Variants in RSRP1 observed in about 807,000 individuals in gnomAD.
RSRP1 encodes arginine/serine-rich protein 1.
A neutral mutation model predicts 33.0 loss-of-function variants in RSRP1; 37 were observed. That is an observed-to-expected ratio of 1.12 (90% CI 0.86 to 1.48). The LOEUF (loss-of-function observed/expected upper bound fraction) is 1.48. RSRP1 is among the 40% of genes most tolerant of loss of function. The pLI is 0.00. For missense variants in RSRP1, 402 were observed against 385.3 expected, an observed-to-expected ratio of 1.04 and a Z score of -0.36; for synonymous variants, 167 against 158.7, an observed-to-expected ratio of 1.05 and a Z score of -0.40.
chr1:25,269,688 C>A (rs1459025675), intron 1 of RSRP1, among the ~76,000 whole-genome samples: 1 of 132,794 alleles, frequency 7.5e-6, no homozygotes, highest in East Asian at 1.9e-4. Context: ...GAAAATGGGG[C>A]CTTTTATAAG....
chr1:25,307,879 T>C lies in RSRP1; in HGVS notation c.-67+30099A>G, dbSNP rs1643935405. ...TGTGTGAAGCAAGGCGCCTCTGTGATGGGTTCCAGTGATGTGTCTGCCACT... is the reference window on the plus strand; with the variant it reads ...TGTGTGAAGCAAGGCGCCTCTGTGACGGGTTCCAGTGATGTGTCTGCCACT... On this transcript the variant is annotated intron_variant, in intron 1 of 1. Transcript: ENST00000561867. 6.5e-6 allele frequency: 8 copies of C among 1,236,596 alleles called. 1 individual carries two copies. The East Asian group carries it at 2.0e-4, about 31-fold the overall frequency. The allele number at this position is 1,236,596 out of a possible 1,614,324, so 76.6% of individuals were successfully genotyped here.
At chr1:25,307,793 A>C (rs1643931110) in intron 1 of RSRP1, 1 of 1,300,850 alleles carries the variant, frequency 7.7e-7, no homozygotes, top group East Asian at 2.5e-5. Flanking sequence ...ATAGCCCCAA[A>C]TTATAGGGAT....
At chr1:25,299,455 C>T (rs2124669477) in intron 1 of RSRP1, among the ~76,000 whole-genome samples, 1 of 131,026 alleles carries the variant, frequency 7.6e-6, no homozygotes, top group South Asian at 2.3e-4. Context: ...CTTAGACACC[C>T]TCTACAGACA....
chr1:25,247,150 CAGGA>C, intron 1 of RSRP1, 121 bp from the exon 2 acceptor site: 1 of 621,262 alleles, frequency 1.6e-6, no homozygotes, highest in African/African-American at 1.9e-5. Context: ...ACCGCCGCGA[CAGGA>C]ACCGAGCCCT....
At position 25,290,129 on chromosome 1, in the gene RSRP1, G is replaced by T. The variant is rs1404239113; in HGVS notation, c.-66-43100C>A. 3.9e-5 allele frequency among the ~76,000 whole-genome samples: 5 copies of T among 128,652 alleles called. 1 individual carries two copies. The highest frequency in any genetic ancestry group is 3.7e-3 in the Middle Eastern group (1 of 270). The allele number at this position is 128,652 out of a possible 152,430, so 84.4% of individuals were successfully genotyped here. Reference sequence around the variant, plus strand: ...AAGGCTGGGACTGGAAGCCGGGCTTGTCCTGATTCCAAATCCAGTTTCTTT... The same window carrying T: ...AAGGCTGGGACTGGAAGCCGGGCTTTTCCTGATTCCAAATCCAGTTTCTTT... On this transcript the variant is annotated intron_variant, in intron 1 of 1. Transcript: ENST00000561867.
chr1:25,262,183 T>C (rs1019533396), intron 1 of RSRP1, among the ~76,000 whole-genome samples: 19 of 152,182 alleles, frequency 1.2e-4, no homozygotes, highest in Non-Finnish European at 2.4e-4. Flanking sequence ...ACTAAACCAT[T>C]AGAAATTTAA....
At chr1:25,247,831 G>C, upstream of RSRP1, 1 of 152,578 alleles carries the variant, frequency 6.6e-6, no homozygotes, top group East Asian at 1.9e-4. Flanking sequence ...AGGGCCGGGA[G>C]AGGAGCGGCT....
chr1:25,257,915 G>A (rs944917980), intron 1 of RSRP1, among the ~76,000 whole-genome samples: 2 of 152,070 alleles, frequency 1.3e-5, no homozygotes, highest in African/African-American at 4.8e-5. Context: ...CTGGCCCACA[G>A]AAATAGATTT....
At position 25,289,290 on chromosome 1, in the gene RSRP1, G is replaced by C. The variant is rs555422645; in HGVS notation, c.-66-42261C>G. ...GCCCACTGAAACCTCTGCCTCCCGG[G>C]TTCAAGCGACTGCCATGCCTCAGCC... On this transcript the variant is annotated intron_variant, in intron 1 of 1. Transcript: ENST00000561867. Among the ~76,000 whole-genome samples the C allele has an allele frequency of 4.6e-5, 6 of 131,324 alleles. No individual in the cohort carries two copies. The South Asian group carries it at 1.4e-3, about 31-fold the overall frequency. 86.2% of individuals were successfully genotyped at this position (131,324 alleles called of 152,430 possible).
chr1:25,329,260 T>G, intron 1 of RSRP1: 1 of 618,986 alleles, frequency 1.6e-6, no homozygotes, highest in Non-Finnish European at 2.6e-6. Context: ...TTTTTTTTTT[T>G]TTGAGATGTA....
Position 25,328,782 on chromosome 1 carries a change from T to G in RSRP1, c.-67+9196A>C. On this transcript the variant is annotated intron_variant, in intron 1 of 1. Transcript: ENST00000561867. Reference sequence around the variant, plus strand: ...ATCCAAGATCTCTTCCAATTCAGATTTTATGAAAGAATTTCTAAGGTCTTT... The same window carrying G: ...ATCCAAGATCTCTTCCAATTCAGATGTTATGAAAGAATTTCTAAGGTCTTT... 1.2e-5 allele frequency: 6 copies of G among 496,668 alleles called. 1 individual carries two copies. Among genetic ancestry groups the G allele is most frequent in the Non-Finnish European group, 2.1e-5 (6 of 279,914 alleles). 30.8% of individuals were successfully genotyped at this position (496,668 alleles called of 1,614,324 possible). A position where few individuals can be genotyped will look rare whatever the true frequency, so the allele number is the denominator to read the frequency against.
Position 25,293,020 on chromosome 1 carries a change from G to A in RSRP1, c.-67+44958C>T, listed in dbSNP as rs1327606146. Among the ~76,000 whole-genome samples, 15 of 128,984 alleles carry A rather than the reference G, an allele frequency of 1.2e-4. 2 individuals are homozygous for A. Among genetic ancestry groups the A allele is most frequent in the African/African-American group, 3.0e-4 (11 of 37,188 alleles). The allele number at this position is 128,984 out of a possible 152,430, so 84.6% of individuals were successfully genotyped here. On this transcript the variant is annotated intron_variant, in intron 1 of 1. Coordinates refer to the RSRP1 transcript ENST00000561867. ...CTGAATGCTGCTGAGAGGTCAAGTC[G>A]GATGAGGGCTGGGAAGTAGCCATTG...
At chr1:25,331,116 C>T (rs1644997812) in intron 1 of RSRP1, among the ~76,000 whole-genome samples, 1 of 127,494 alleles carries the variant, frequency 7.8e-6, no homozygotes, top group African/African-American at 2.7e-5. Context: ...TACAGGTGCC[C>T]ACCATCATGC....
At chr1:25,322,900 C>T (rs2124164440) in intron 1 of RSRP1, among the ~76,000 whole-genome samples, 1 of 122,608 alleles carries the variant, frequency 8.2e-6, no homozygotes, top group Admixed American at 8.1e-5. Context: ...AGAAGTAAAA[C>T]AGGCAAAAAA....
chr1:25,301,360 A>G lies in RSRP1; in HGVS notation c.-67+36618T>C, dbSNP rs1406218947. On this transcript the variant is annotated intron_variant, in intron 1 of 1. Transcript: ENST00000561867. Reference sequence around the variant, plus strand: ...TGTCTGTAAAATGTGGTTAGCTGGTATCAGCTTGAGAGCTCGGAGGGGAGA... The same window carrying G: ...TGTCTGTAAAATGTGGTTAGCTGGTGTCAGCTTGAGAGCTCGGAGGGGAGA... 1.5e-5 allele frequency among the ~76,000 whole-genome samples: 2 copies of G among 129,842 alleles called. 1 individual carries two copies. The highest frequency in any genetic ancestry group is 4.7e-4 in the South Asian group (2 of 4,214). 85.2% of individuals were successfully genotyped at this position (129,842 alleles called of 152,430 possible).
intron 1 of RSRP1, among the ~76,000 whole-genome samples, chr1:25,299,357 G>A (rs1643203882): frequency 7.6e-6 from 1 of 130,862 alleles, no homozygotes; most frequent in Admixed American, 7.4e-5. Flanking sequence ...ACTCTAGCCT[G>A]GCGACAGAGT....
At chr1:25,295,919 A>G (rs1188403100) in intron 1 of RSRP1, among the ~76,000 whole-genome samples, 1 of 108,846 alleles carries the variant, frequency 9.2e-6, no homozygotes, top group Non-Finnish European at 2.1e-5. Context: ...CTGGATTGCA[A>G]TGTTGCAATC....
intron 1 of RSRP1, among the ~76,000 whole-genome samples, chr1:25,315,000 C>A (rs539216120): frequency 7.7e-6 from 1 of 129,338 alleles, no homozygotes; most frequent in South Asian, 2.4e-4. Flanking sequence ...GTCAAGAGAT[C>A]GAGATCATCC....
intron 1 of RSRP1, among the ~76,000 whole-genome samples, chr1:25,305,583 T>TTTGTTG (rs200713124): frequency 0.015 from 1,806 of 118,916 alleles, 259 homozygotes; most frequent in African/African-American, 0.022. Context: ...GTGTATGTAT[T>TTTGTTG]TTGTTGTTGT....
Sources: allele counts gnomAD v4.1 joint callset (sites outside exome capture counted in the v4.1 genomes callset), GRCh38; gene constraint gnomAD v4.1.1; transcripts MANE v1.5; gene names NCBI Gene and HGNC (gene_info 2026-07-23, HGNC 2026-07-21).